Variants in SMOC1 observed in about 807,000 individuals in gnomAD.
SMOC1 encodes the protein SPARC-related modular calcium-binding protein 1.
SMOC1 carries 22 observed loss-of-function variants against 56.3 expected under a neutral mutation model. That is an observed-to-expected ratio of 0.39 (90% CI 0.28 to 0.56). The LOEUF (loss-of-function observed/expected upper bound fraction) is 0.56, where lower values mean the gene tolerates loss of function less well. Among genes scored for constraint, SMOC1 ranks in the 20% least tolerant of loss-of-function variants. SMOC1 has a pLI of 0.61. For missense variants in SMOC1, 509 were observed against 565.4 expected, an observed-to-expected ratio of 0.90 and a Z score of 1.01; for synonymous variants, 193 against 215.0, an observed-to-expected ratio of 0.90 and a Z score of 0.89.
At chr14:69,967,569 C>T (rs1003056005) in intron 3 of SMOC1, among the ~76,000 whole-genome samples, 1 of 152,178 alleles carries the variant, frequency 6.6e-6, no homozygotes, top group Non-Finnish European at 1.5e-5. Context: ...AGATTGGACA[C>T]CCCTGGCCTA....
chr14:70,027,910 G>GA (rs1408201161), intron 11 of SMOC1, among the ~76,000 whole-genome samples: 1 of 152,166 alleles, frequency 6.6e-6, no homozygotes, highest in East Asian at 1.9e-4. Context: ...CAGGGCGGCA[G>GA]AAAAAAGCCC....
intron 5 of SMOC1, among the ~76,000 whole-genome samples, chr14:69,985,942 A>G (rs896302450): frequency 6.6e-6 from 1 of 152,122 alleles, no homozygotes; most frequent in Admixed American, 6.6e-5. Flanking sequence ...ATGTATGGGG[A>G]AAAAACAGGA....
Position 69,942,853 on chromosome 14 carries a change from C to T in SMOC1, c.100-9285C>T, listed in dbSNP as rs564422977. On this transcript the variant is annotated intron_variant, in intron 1 of 11. Coordinates refer to ENST00000361956, the MANE Select transcript of SMOC1 (RefSeq NM_001034852.3). ...GGGAGCATGTAGGTTAACTTGGCCCCGTTTGCGTTCTTATTAGGGTCTCTT... is the reference window on the plus strand; with the variant it reads ...GGGAGCATGTAGGTTAACTTGGCCCTGTTTGCGTTCTTATTAGGGTCTCTT... 7.9e-5 allele frequency among the ~76,000 whole-genome samples: 12 copies of T among 152,268 alleles called. No individual in the cohort carries two copies. The South Asian group carries it at 1.5e-3, about 18-fold the overall frequency.
chr14:69,895,743 T>C (rs1268231133), intron 1 of SMOC1, among the ~76,000 whole-genome samples: 4 of 152,178 alleles, frequency 2.6e-5, no homozygotes, highest in Admixed American at 6.5e-5. Flanking sequence ...CCTGGTGGTA[T>C]GGCATTGTAC....
chr14:69,977,848 C>A, intron 4 of SMOC1, 70 bp from the exon 5 acceptor site: 1 of 1,321,704 alleles, frequency 7.6e-7, no homozygotes, highest in South Asian at 1.2e-5. Context: ...CAGGTTTTGC[C>A]AACTCTTAGA....
chr14:69,955,663 A>G (rs766973750), intron 3 of SMOC1, among the ~76,000 whole-genome samples: 1 of 150,224 alleles, frequency 6.7e-6, no homozygotes, highest in Non-Finnish European at 1.5e-5. Context: ...TCTTTCTATC[A>G]TGTCGATACC....
chr14:69,891,439 A>G (rs1883958605), intron 1 of SMOC1, among the ~76,000 whole-genome samples: 1 of 152,256 alleles, frequency 6.6e-6, no homozygotes, highest in African/African-American at 2.4e-5. Flanking sequence ...AAGAACAAAT[A>G]TTAAAAGTGA....
Position 70,031,025 on chromosome 14 carries a change from C to G in SMOC1, c.*767C>G, listed in dbSNP as rs1362378316. The G allele has an allele frequency of 6.6e-6, 1 of 152,160 alleles. No individual in the cohort carries two copies. The highest frequency in any genetic ancestry group is 1.5e-5 in the Non-Finnish European group (1 of 68,036). 9.4% of individuals were successfully genotyped at this position (152,160 alleles called of 1,614,324 possible). A position where few individuals can be genotyped will look rare whatever the true frequency, so the allele number is the denominator to read the frequency against. On this transcript the variant is annotated 3_prime_UTR_variant, in exon 12 of 12. Coordinates refer to ENST00000361956, the MANE Select transcript of SMOC1 (RefSeq NM_001034852.3). ...CGTGCATTCCTGCTCTCCGGACCCC[C>G]AAAGGGCCCAGCATTGGTGGGTGCA...
At chr14:69,984,291 G>A (rs969483240) in intron 5 of SMOC1, among the ~76,000 whole-genome samples, 15 of 152,154 alleles carry the variant, frequency 9.9e-5, no homozygotes, top group African/African-American at 1.4e-4. Flanking sequence ...AAAATGGATC[G>A]TAGACTTAAA....
chr14:69,951,372 CTT>C lies in SMOC1; in HGVS notation c.100-764_100-763del, dbSNP rs1016064298. On this transcript the variant is annotated intron_variant, in intron 1 of 11. Coordinates refer to ENST00000361956, the MANE Select transcript of SMOC1 (RefSeq NM_001034852.3). ...GGAGTAGCAAATAATTTGTAGCTGT[CTT>C]TAATTTACTATGCGTCTTGGAGGTT... Among the ~76,000 whole-genome samples the C allele has an allele frequency of 1.3e-4, 20 of 152,282 alleles. No individual in the cohort carries two copies. In the East Asian group the frequency reaches 3.5e-3, roughly 26 times the overall value.
intron 1 of SMOC1, among the ~76,000 whole-genome samples, chr14:69,919,906 A>C (rs1400550717): frequency 1.5e-5 from 2 of 130,622 alleles, no homozygotes; most frequent in East Asian, 4.1e-4. Context: ...CTATGAACAC[A>C]AATACCCCCC....
intron 10 of SMOC1, among the ~76,000 whole-genome samples, chr14:70,015,606 G>A (rs993014972): frequency 1.3e-5 from 2 of 152,086 alleles, no homozygotes; most frequent in Non-Finnish European, 2.9e-5. Flanking sequence ...TGTTTCTGCC[G>A]CCCCTGTGGG....
At chr14:70,026,253 A>G (rs1383816828) in intron 11 of SMOC1, among the ~76,000 whole-genome samples, 1 of 152,226 alleles carries the variant, frequency 6.6e-6, no homozygotes, top group African/African-American at 2.4e-5. Flanking sequence ...GACCCCAGGC[A>G]TACCAGGGGC....
intron 10 of SMOC1, among the ~76,000 whole-genome samples, chr14:70,020,530 C>A (rs1885674782): frequency 6.6e-6 from 1 of 152,140 alleles, no homozygotes; most frequent in Non-Finnish European, 1.5e-5. Context: ...CCTCACAGGG[C>A]AGGCTGTGAG....
At chr14:69,887,886 C>A (rs1883853383) in intron 1 of SMOC1, among the ~76,000 whole-genome samples, 1 of 152,128 alleles carries the variant, frequency 6.6e-6, no homozygotes, top group South Asian at 2.1e-4. Context: ...AGTGTCTGGA[C>A]TAGGGGAAGG....
intron 1 of SMOC1, among the ~76,000 whole-genome samples, chr14:69,921,023 G>A (rs953868397): frequency 6.6e-6 from 1 of 152,188 alleles, no homozygotes; most frequent in Non-Finnish European, 1.5e-5. Context: ...TTCCTTGTGG[G>A]TGAGGACCCA....
Position 69,879,635 on chromosome 14 carries a change from C to T in SMOC1, c.-44C>T, listed in dbSNP as rs765000730. 7.1e-7 allele frequency: 1 copy of T among 1,416,800 alleles called. No homozygotes were observed. 87.8% of individuals were successfully genotyped at this position (1,416,800 alleles called of 1,614,324 possible). A position where few individuals can be genotyped will look rare whatever the true frequency, so the allele number is the denominator to read the frequency against. ...AGGCGCGCTGTGCGCCCCGCGGAGC[C>T]CGCGAACCCCGCTCGCTGCCGGCTG... On this transcript the variant is annotated 5_prime_UTR_variant, in exon 1 of 12. Coordinates refer to ENST00000361956, the MANE Select transcript of SMOC1 (RefSeq NM_001034852.3).
chr14:69,960,938 C>A (rs1036135267), intron 3 of SMOC1, among the ~76,000 whole-genome samples: 5 of 151,916 alleles, frequency 3.3e-5, no homozygotes, highest in African/African-American at 9.7e-5. Flanking sequence ...TAAAAGTTAC[C>A]ATTTTAAAAT....
At chr14:69,940,250 T>G (rs1447424039) in intron 1 of SMOC1, among the ~76,000 whole-genome samples, 1 of 152,082 alleles carries the variant, frequency 6.6e-6, no homozygotes, top group Non-Finnish European at 1.5e-5. Context: ...AGTCCCCTAG[T>G]GGTAAAACAC....
Sources: gnomAD v4.1 joint callset for allele counts (sites outside exome capture counted in the v4.1 genomes callset) on GRCh38, gnomAD v4.1.1 for gene constraint, MANE v1.5 for transcripts, NCBI Gene and HGNC (gene_info 2026-07-23, HGNC 2026-07-21) for gene names.